Variants in KCNQ1 observed in about 807,000 individuals in gnomAD.
KCNQ1 encodes potassium voltage-gated channel subfamily KQT member 1.
Under a neutral mutation model 72.4 loss-of-function variants are expected in KCNQ1, and 49 were observed. The ratio of observed to expected loss-of-function variants is 0.68; its 90% confidence interval spans 0.54 to 0.86. KCNQ1 has a LOEUF of 0.86. Among genes scored for constraint, KCNQ1 ranks in the 40% least tolerant of loss-of-function variants. The pLI is 0.00. For missense variants in KCNQ1, 790 were observed against 945.1 expected, an observed-to-expected ratio of 0.84 and a Z score of 2.15; for synonymous variants, 450 against 412.6, an observed-to-expected ratio of 1.09 and a Z score of -1.10.
chr11:2,527,754 T>A (rs1847535382), intron 1 of KCNQ1, among the ~76,000 whole-genome samples, 174 bp from the exon 2 acceptor site: 1 of 152,228 alleles, frequency 6.6e-6, no homozygotes, highest in Non-Finnish European at 1.5e-5. Flanking sequence ...ACGGCATCCC[T>A]CGTGCGGACC....
chr11:2,577,868 C>A (rs909196376), intron 6 of KCNQ1, among the ~76,000 whole-genome samples: 22 of 152,178 alleles, frequency 1.4e-4, no homozygotes, highest in African/African-American at 4.6e-4. Flanking sequence ...TCCTGCCCCC[C>A]ACCCAGGGGC....
At chr11:2,838,158 C>T (rs1848118749) in intron 15 of KCNQ1, among the ~76,000 whole-genome samples, 1 of 152,226 alleles carries the variant, frequency 6.6e-6, no homozygotes, top group African/African-American at 2.4e-5. Context: ...AAGCAAACAC[C>T]ACCAGTAGGG....
chr11:2,625,308 T>C, intron 10 of KCNQ1: 1 of 398,658 alleles, frequency 2.5e-6, no homozygotes, highest in Non-Finnish European at 4.4e-6. Context: ...TGGAATGCAG[T>C]GGCATGATCA....
At chr11:2,472,995 A>C (rs1292446671) in intron 1 of KCNQ1, among the ~76,000 whole-genome samples, 1 of 151,788 alleles carries the variant, frequency 6.6e-6, no homozygotes, top group Non-Finnish European at 1.5e-5. Context: ...GGCTGGGAGA[A>C]GCCTGCATAT....
At position 2,492,470 on chromosome 11, in the gene KCNQ1, C is replaced by A. The variant is rs910009812; in HGVS notation, c.387-35458C>A. Among the ~76,000 whole-genome samples the A allele has an allele frequency of 1.5e-4, 23 of 152,116 alleles. No homozygotes were observed. The highest frequency in any genetic ancestry group is 5.3e-4 in the African/African-American group (22 of 41,414). ...CAACCCATCATCTAGGTTTTAAGCCCTACATGCATTAGGTATTTGTCCTAA... is the reference window on the plus strand; with the variant it reads ...CAACCCATCATCTAGGTTTTAAGCCATACATGCATTAGGTATTTGTCCTAA... On this transcript the variant is annotated intron_variant, in intron 1 of 15. Coordinates refer to ENST00000155840, the MANE Select transcript of KCNQ1 (RefSeq NM_000218.3). This position sits in a 1 kb window ranked among gnomAD's most constrained non-coding sequence, Gnocchi z 4.1.
chr11:2,479,204 C>G lies in KCNQ1; in HGVS notation c.386+33720C>G, dbSNP rs1052294128. Among the ~76,000 whole-genome samples, 4 of 152,194 alleles carry G rather than the reference C, an allele frequency of 2.6e-5. No homozygotes were observed. Among genetic ancestry groups the G allele is most frequent in the African/African-American group, 9.7e-5 (4 of 41,442 alleles). On this transcript the variant is annotated intron_variant, in intron 1 of 15. Coordinates refer to ENST00000155840, the MANE Select transcript of KCNQ1 (RefSeq NM_000218.3). The surrounding 1 kb of genome is among the most constrained non-coding windows in gnomAD (Gnocchi z 4.6). ...CACATGGTGCAAGCTGTTGATGGATCTATCATTCTGGGATCTGGAGGACAG... is the reference window on the plus strand; with the variant it reads ...CACATGGTGCAAGCTGTTGATGGATGTATCATTCTGGGATCTGGAGGACAG...
In KCNQ1 at chr11:2,687,277, C is replaced by T; in HGVS notation, c.1514+25196C>T. On this transcript the variant is annotated intron_variant, in intron 11 of 15. Coordinates refer to ENST00000155840, the MANE Select transcript of KCNQ1 (RefSeq NM_000218.3). The surrounding 1 kb of genome is among the most constrained non-coding windows in gnomAD (Gnocchi z 5.0). Reference sequence around the variant, plus strand: ...CTCCGGGCTTCTCTCCTCTGGCCTCCCACCTTGCAGCTTTGAGATCCCAGG... The same window carrying T: ...CTCCGGGCTTCTCTCCTCTGGCCTCTCACCTTGCAGCTTTGAGATCCCAGG... 2.5e-6 allele frequency: 1 copy of T among 398,698 alleles called. No individual in the cohort carries two copies. Among genetic ancestry groups the T allele is most frequent in the Non-Finnish European group, 4.4e-6 (1 of 226,102 alleles). The allele number at this position is 398,698 out of a possible 1,614,324, so 24.7% of individuals were successfully genotyped here. A position where few individuals can be genotyped will look rare whatever the true frequency, so the allele number is the denominator to read the frequency against.
intron 10 of KCNQ1, chr11:2,610,733 T>G: frequency 2.6e-6 from 1 of 384,564 alleles, no homozygotes; most frequent in African/African-American, 2.2e-5. Flanking sequence ...TTTTTTTTTT[T>G]TTTTTTTTTT....
Position 2,613,422 on chromosome 11 carries a change from A to G in KCNQ1, c.1393+24568A>G. 1.0e-5 allele frequency: 4 copies of G among 398,622 alleles called. No individual in the cohort carries two copies. The highest frequency in any genetic ancestry group is 4.4e-5 in the Admixed American group (1 of 22,728). 24.7% of individuals were successfully genotyped at this position (398,622 alleles called of 1,614,324 possible). On this transcript the variant is annotated intron_variant, in intron 10 of 15. Coordinates refer to ENST00000155840, the MANE Select transcript of KCNQ1 (RefSeq NM_000218.3). This position sits in a 1 kb window ranked among gnomAD's most constrained non-coding sequence, Gnocchi z 4.8. ...GCCACTGAAATCCTTGTTGCTTAAC[A>G]TAGTGCATAGGGTTTTCTATGGAAT...
At chr11:2,838,191 TG>T (rs1848120256) in intron 15 of KCNQ1, among the ~76,000 whole-genome samples, 1 of 152,118 alleles carries the variant, frequency 6.6e-6, no homozygotes, top group Non-Finnish European at 1.5e-5. Flanking sequence ...GAGGTGGGGA[TG>T]GAAGGAAGCC....
chr11:2,448,026 C>T (rs1432020752), intron 1 of KCNQ1, among the ~76,000 whole-genome samples: 2 of 152,210 alleles, frequency 1.3e-5, no homozygotes, highest in East Asian at 1.9e-4. Flanking sequence ...GCTTCCTGCC[C>T]CCAACACCCC....
At position 2,677,404 on chromosome 11, in the gene KCNQ1, TA is replaced by T; in HGVS notation, c.1514+15325del. On this transcript the variant is annotated intron_variant, in intron 11 of 15. Coordinates refer to ENST00000155840, the MANE Select transcript of KCNQ1 (RefSeq NM_000218.3). The surrounding 1 kb of genome is among the most constrained non-coding windows in gnomAD (Gnocchi z 4.5). ...GAGGAAACCAAGATCGATGCCTAGA[TA>T]AGCATTTCAGAGGACAGCAGGGGAG... is the stretch of plus-strand genomic sequence containing the variant. 2.5e-6 allele frequency: 1 copy of T among 398,534 alleles called. No homozygotes were observed. The highest frequency in any genetic ancestry group is 2.1e-5 in the African/African-American group (1 of 48,706). 24.7% of individuals were successfully genotyped at this position (398,534 alleles called of 1,614,324 possible). A position where few individuals can be genotyped will look rare whatever the true frequency, so the allele number is the denominator to read the frequency against.
In KCNQ1 at chr11:2,683,229, C is replaced by G. The variant is rs564972534; in HGVS notation, c.1514+21148C>G. ...TTGTGATGGAACTAGAGGTGAGATA[C>G]AGAGCAGGAGTCCATGGCACCTCCA... On this transcript the variant is annotated intron_variant, in intron 11 of 15. Coordinates refer to ENST00000155840, the MANE Select transcript of KCNQ1 (RefSeq NM_000218.3). The surrounding 1 kb of genome is among the most constrained non-coding windows in gnomAD (Gnocchi z 4.7). 7 of 398,630 alleles carry G rather than the reference C, an allele frequency of 1.8e-5. No homozygotes were observed. The South Asian group carries it at 8.9e-4, about 51-fold the overall frequency. The allele number at this position is 398,630 out of a possible 1,614,324, so 24.7% of individuals were successfully genotyped here. A position where few individuals can be genotyped will look rare whatever the true frequency, so the allele number is the denominator to read the frequency against.
At chr11:2,650,950 T>C (rs1849747573) in intron 10 of KCNQ1, 2 of 397,576 alleles carry the variant, frequency 5.0e-6, no homozygotes, top group Non-Finnish European at 4.4e-6. Context: ...TTTTTCTTAG[T>C]ACCCCTTTCT....
At chr11:2,506,034 A>G (rs1412463336) in intron 1 of KCNQ1, among the ~76,000 whole-genome samples, 1 of 152,214 alleles carries the variant, frequency 6.6e-6, no homozygotes, top group African/African-American at 2.4e-5. Flanking sequence ...ACTGCTAGTT[A>G]TATATCCAAA....
chr11:2,455,291 G>A (rs534003279), intron 1 of KCNQ1, among the ~76,000 whole-genome samples: 2 of 151,940 alleles, frequency 1.3e-5, no homozygotes, highest in African/African-American at 2.4e-5. Flanking sequence ...GTAGAGACGG[G>A]GTTTCACCGT....
In KCNQ1 at chr11:2,669,183, T is replaced by C; in HGVS notation, c.1514+7102T>C. 2.5e-6 allele frequency: 1 copy of C among 398,706 alleles called. No homozygotes were observed. Among genetic ancestry groups the C allele is most frequent in the Non-Finnish European group, 4.4e-6 (1 of 226,088 alleles). The allele number at this position is 398,706 out of a possible 1,614,324, so 24.7% of individuals were successfully genotyped here. A position where few individuals can be genotyped will look rare whatever the true frequency, so the allele number is the denominator to read the frequency against. ...TTGTTCTTTGTGGCCAGGACCTTGC[T>C]TCCTTCTCACTGTAGTTTGCTAACA... On this transcript the variant is annotated intron_variant, in intron 11 of 15. Transcript: ENST00000155840. The surrounding 1 kb of genome is among the most constrained non-coding windows in gnomAD (Gnocchi z 5.6).
In KCNQ1 at chr11:2,653,835, G is replaced by T; in HGVS notation, c.1394-8126G>T. ...CAAGGTCCACAGGGACCCCTTTGGG[G>T]ATGGCCAGAGGGTACCTAAACACTG... On this transcript the variant is annotated intron_variant, in intron 10 of 15. Transcript: ENST00000155840. The surrounding 1 kb of genome is among the most constrained non-coding windows in gnomAD (Gnocchi z 5.3). The T allele has an allele frequency of 2.5e-6, 1 of 398,666 alleles. No individual in the cohort carries two copies. Among genetic ancestry groups the T allele is most frequent in the Non-Finnish European group, 4.4e-6 (1 of 226,094 alleles). The allele number at this position is 398,666 out of a possible 1,614,324, so 24.7% of individuals were successfully genotyped here.
Position 2,658,599 on chromosome 11 carries a change from A to C in KCNQ1, c.1394-3362A>C, listed in dbSNP as rs1382143496. 2.5e-6 allele frequency: 1 copy of C among 398,430 alleles called. No individual in the cohort carries two copies. The allele number at this position is 398,430 out of a possible 1,614,324, so 24.7% of individuals were successfully genotyped here. On this transcript the variant is annotated intron_variant, in intron 10 of 15. Coordinates refer to ENST00000155840, the MANE Select transcript of KCNQ1 (RefSeq NM_000218.3). This position sits in a 1 kb window ranked among gnomAD's most constrained non-coding sequence, Gnocchi z 4.9. Reference sequence around the variant, plus strand: ...GAGAGCCCTGGCTCCCTGGAGAATGAATAGAAAACCTGGATCTAGGCACGG... The same window carrying C: ...GAGAGCCCTGGCTCCCTGGAGAATGCATAGAAAACCTGGATCTAGGCACGG...
Sources: gnomAD v4.1 joint callset for allele counts (sites outside exome capture counted in the v4.1 genomes callset) on GRCh38, gnomAD v4.1.1 for gene constraint, Gnocchi (gnomAD v3.1) non-coding constraint, MANE v1.5 for transcripts, NCBI Gene and HGNC (gene_info 2026-07-23, HGNC 2026-07-21) for gene names.